The following SIL1 variants were observed in gnomAD, a reference collection of about 807,000 sequenced individuals.
SIL1 encodes the protein SIL1 nucleotide exchange factor, also known as nucleotide exchange factor SIL1.
Under a neutral mutation model 49.1 loss-of-function variants are expected in SIL1, and 40 were observed. That is an observed-to-expected ratio of 0.81 (90% CI 0.63 to 1.06). SIL1 has a LOEUF of 1.06. Among genes scored for constraint, SIL1 ranks in the 50% least tolerant of loss-of-function variants. The pLI is 0.00. For missense variants in SIL1, 500 were observed against 572.6 expected, an observed-to-expected ratio of 0.87 and a Z score of 1.29; for synonymous variants, 253 against 250.8, an observed-to-expected ratio of 1.01 and a Z score of -0.08.
intron 3 of SIL1, among the ~76,000 whole-genome samples, chr5:139,112,495 C>A (rs1458724055): frequency 6.6e-6 from 1 of 150,462 alleles, no homozygotes; most frequent in Non-Finnish European, 1.5e-5. Flanking sequence ...TGCCCGGCCG[C>A]GACCCCGTCT....
At chr5:139,089,570 C>T (rs926190027) in intron 3 of SIL1, among the ~76,000 whole-genome samples, 4 of 152,182 alleles carry the variant, frequency 2.6e-5, no homozygotes, top group African/African-American at 9.7e-5. Flanking sequence ...GATGAATAAA[C>T]AAATTTGTCC....
chr5:139,028,462 C>T (rs529303818), intron 5 of SIL1, among the ~76,000 whole-genome samples: 1 of 152,266 alleles, frequency 6.6e-6, no homozygotes, highest in Admixed American at 6.5e-5. Context: ...CGTGCCACTG[C>T]ACTCCAGCCT....
chr5:139,079,483 AC>A (rs1770024594), intron 3 of SIL1, among the ~76,000 whole-genome samples: 1 of 152,246 alleles, frequency 6.6e-6, no homozygotes, highest in Non-Finnish European at 1.5e-5. Context: ...GGCCATCTCC[AC>A]AATTGAAAGG....
At chr5:139,005,704 T>C (rs1768102923) in intron 7 of SIL1, among the ~76,000 whole-genome samples, 1 of 92,284 alleles carries the variant, frequency 1.1e-5, no homozygotes, top group Non-Finnish European at 2.1e-5. Context: ...TATGCGGTGT[T>C]TGGTTTTTTG....
chr5:138,948,476 G>C lies in SIL1; in HGVS notation c.1030-1003C>G, dbSNP rs1766686702. On this transcript the variant is annotated intron_variant, in intron 9 of 9. Coordinates refer to ENST00000394817, the MANE Select transcript of SIL1 (RefSeq NM_022464.5). The surrounding 1 kb of genome is among the most constrained non-coding windows in gnomAD (Gnocchi z 4.8). The stretch of plus-strand genomic sequence containing the variant: ...CAAACCCTCACAGCCTGGCATTGCG[G>C]GTGATAAAGACAAAATCAATCCCTT... 6.6e-6 allele frequency among the ~76,000 whole-genome samples: 1 copy of C among 152,166 alleles called. No individual in the cohort carries two copies. Among genetic ancestry groups the C allele is most frequent in the Admixed American group, 6.5e-5 (1 of 15,278 alleles).
intron 7 of SIL1, among the ~76,000 whole-genome samples, chr5:138,956,607 G>T (rs1766907654): frequency 6.6e-6 from 1 of 152,058 alleles, no homozygotes; most frequent in South Asian, 2.1e-4. Context: ...AGCTGGTGTG[G>T]TGTCAGGCAC....
intron 7 of SIL1, among the ~76,000 whole-genome samples, chr5:138,983,797 G>A (rs955018077): frequency 1.3e-5 from 2 of 152,124 alleles, no homozygotes; most frequent in Non-Finnish European, 2.9e-5. Context: ...TGAGACACAT[G>A]CCAAGTGAGC....
intron 3 of SIL1, among the ~76,000 whole-genome samples, chr5:139,082,137 T>C (rs530441227): frequency 1.3e-5 from 2 of 152,344 alleles, no homozygotes; most frequent in East Asian, 1.9e-4. Flanking sequence ...ATTTTACAGA[T>C]GAGAATTCTT....
rs569472446 is a variant in SIL1, at chr5:139,112,182, T to C, written c.244+8853A>G. 2.6e-5 allele frequency among the ~76,000 whole-genome samples: 4 copies of C among 152,324 alleles called. No individual in the cohort carries two copies. The South Asian group carries it at 8.3e-4, about 32-fold the overall frequency. Reference sequence around the variant, plus strand: ...CCCAGGCTGGAGTGCAGTGGCGTGATCTCAGCTAGCTACAACCTCCACCTC... The same window carrying C: ...CCCAGGCTGGAGTGCAGTGGCGTGACCTCAGCTAGCTACAACCTCCACCTC... On this transcript the variant is annotated intron_variant, in intron 3 of 9. Transcript: ENST00000394817.
chr5:139,048,052 A>G (rs1769204637), intron 4 of SIL1, among the ~76,000 whole-genome samples: 1 of 152,252 alleles, frequency 6.6e-6, no homozygotes, highest in Admixed American at 6.5e-5. Flanking sequence ...GTGGTAGAGA[A>G]GTGAGTTCTC....
intron 1 of SIL1, chr5:139,137,261 C>A (rs546500871): frequency 2.9e-6 from 2 of 700,602 alleles, no homozygotes; most frequent in Non-Finnish European, 5.2e-6. Flanking sequence ...CGACAACCCT[C>A]TGAGGTGGTT....
intron 3 of SIL1, among the ~76,000 whole-genome samples, chr5:139,056,967 G>C (rs1279092570): frequency 3.3e-5 from 5 of 152,108 alleles, no homozygotes; most frequent in Admixed American, 1.3e-4. Flanking sequence ...ATTTTGTTCT[G>C]TACTAAGAAA....
intron 1 of SIL1, among the ~76,000 whole-genome samples, chr5:139,139,098 C>T (rs901627406): frequency 3.9e-5 from 6 of 152,192 alleles, no homozygotes; most frequent in South Asian, 4.1e-4. Context: ...TAGGAACAGC[C>T]GGGGCAAATG....
intron 7 of SIL1, among the ~76,000 whole-genome samples, chr5:138,995,596 T>C (rs1383068059): frequency 3.3e-5 from 5 of 152,220 alleles, no homozygotes; most frequent in African/African-American, 7.2e-5. Context: ...TTTTGAAATA[T>C]ATTATACAAC....
intron 2 of SIL1, among the ~76,000 whole-genome samples, chr5:139,124,652 C>G (rs186074738): frequency 6.6e-6 from 1 of 152,136 alleles, no homozygotes; most frequent in Non-Finnish European, 1.5e-5. Flanking sequence ...ACAGGCTGGA[C>G]AGTGAGTTCA....
intron 7 of SIL1, among the ~76,000 whole-genome samples, chr5:139,006,687 G>C (rs1768125862): frequency 6.7e-6 from 1 of 149,766 alleles, no homozygotes; most frequent in African/African-American, 2.4e-5. Context: ...TGGCTAGCCA[G>C]TTTTCCCAGC....
intron 7 of SIL1, among the ~76,000 whole-genome samples, chr5:139,011,160 T>G (rs1487730918): frequency 1.1e-4 from 16 of 151,340 alleles, no homozygotes; most frequent in African/African-American, 3.4e-4. Flanking sequence ...GGATATAGTC[T>G]CGTGGTGCGC....
At chr5:139,075,021 C>T (rs1336326019) in intron 3 of SIL1, among the ~76,000 whole-genome samples, 1 of 152,146 alleles carries the variant, frequency 6.6e-6, no homozygotes, top group Non-Finnish European at 1.5e-5. Context: ...GATGGGGTTT[C>T]ACCATGTTTG....
intron 3 of SIL1, among the ~76,000 whole-genome samples, chr5:139,074,358 A>G (rs1769898378): frequency 6.6e-6 from 1 of 152,180 alleles, no homozygotes. Context: ...TGGCTGGTCT[A>G]TTTATACTTT....
Sources: gnomAD v4.1 joint callset for allele counts (sites outside exome capture counted in the v4.1 genomes callset) on GRCh38, gnomAD v4.1.1 for gene constraint, Gnocchi (gnomAD v3.1) non-coding constraint, MANE v1.5 for transcripts, NCBI Gene and HGNC (gene_info 2026-07-23, HGNC 2026-07-21) for gene names.